TNNT3: variants seen among roughly 807,000 people sequenced by gnomAD.
The protein encoded by TNNT3 is troponin T3, fast skeletal type.
In TNNT3, 36 loss-of-function variants were observed where a neutral mutation model predicts 54.2. The observed-to-expected ratio is 0.66, with a 90% CI of 0.51 to 0.88. The LOEUF is 0.88. Ranked by LOEUF, TNNT3 falls within the 40% of genes least tolerant of loss-of-function variation. TNNT3 has a pLI of 0.00. For missense variants in TNNT3, 291 were observed against 331.6 expected, an observed-to-expected ratio of 0.88 and a Z score of 0.95; for synonymous variants, 120 against 109.7, an observed-to-expected ratio of 1.09 and a Z score of -0.59.
At chr11:1,936,220 A>T in intron 14 of TNNT3, 1 of 1,613,806 alleles carries the variant, frequency 6.2e-7, no homozygotes, top group Non-Finnish European at 8.5e-7. Context: ...CTAGATCATG[A>T]ATGTCCGGGC....
At chr11:1,938,250 C>T in intron 15 of TNNT3, 188 bp from the exon 16 acceptor site, 1 of 679,180 alleles carries the variant, frequency 1.5e-6, no homozygotes, top group Non-Finnish European at 2.7e-6. Context: ...CACTAACGAC[C>T]TAGGCCCGCC....
At chr11:1,925,163 T>G in intron 5 of TNNT3, 47 bp downstream of exon 5, 3 of 1,601,694 alleles carry the variant, frequency 1.9e-6, no homozygotes, top group Middle Eastern at 1.7e-4. Flanking sequence ...TCCCCAGCCT[T>G]CCCGCCCCAC....
intron 8 of TNNT3, 54 bp from the exon 9 acceptor site, chr11:1,932,415 C>A: frequency 6.3e-7 from 1 of 1,585,522 alleles, no homozygotes; most frequent in Non-Finnish European, 8.7e-7. Context: ...CAGGCTGACC[C>A]TCTGGGGTGG....
chr11:1,925,511 G>C, intron 5 of TNNT3: 1 of 614,226 alleles, frequency 1.6e-6, no homozygotes, highest in Admixed American at 2.7e-5. Context: ...AGTAGGGCCA[G>C]GGACTCCCCA....
intron 9 of TNNT3, 60 bp downstream of exon 9, chr11:1,932,574 C>G (rs1034607023): frequency 1.2e-5 from 18 of 1,562,314 alleles, no homozygotes; most frequent in Middle Eastern, 1.7e-4. Context: ...AGCTTTTGGG[C>G]TCTAGGCCTC....
intron 1 of TNNT3, 43 bp from the exon 2 acceptor site, chr11:1,922,814 T>G: frequency 6.3e-7 from 1 of 1,588,166 alleles, no homozygotes; most frequent in African/African-American, 1.4e-5. Flanking sequence ...GTAACTCTCT[T>G]TCCATCCTCT....
intron 7 of TNNT3, 46 bp downstream of exon 7, chr11:1,929,189 G>GCCGA (rs1589945028): frequency 1.2e-6 from 2 of 1,607,636 alleles, no homozygotes; most frequent in Non-Finnish European, 1.7e-6. Context: ...CCTGGCTCTA[G>GCCGA]CCGACGCGAG....
At position 1,922,902 on chromosome 11, in the gene TNNT3, A is replaced by G; in HGVS notation, c.17+11A>G. The G allele has an allele frequency of 6.2e-7, 1 of 1,613,616 alleles. No homozygotes were observed. Among genetic ancestry groups the G allele is most frequent in the Non-Finnish European group, 8.5e-7 (1 of 1,179,978 alleles). On this transcript the variant is annotated intron_variant, in intron 2 of 15. Transcript: ENST00000278317. ...GTCTGACGAGGAAGTGTGAGTACCC[A>G]GCTGGTGGCTGCCCCCTGCCTGGCT... is the stretch of plus-strand genomic sequence containing the variant.
At chr11:1,936,579 C>T (rs938698785) in intron 14 of TNNT3, among the ~76,000 whole-genome samples, 8 of 152,208 alleles carry the variant, frequency 5.3e-5, no homozygotes, top group Admixed American at 3.3e-4. Flanking sequence ...CTGAGCTCAG[C>T]GGCTGAAGGG....
intron 1 of TNNT3, among the ~76,000 whole-genome samples, chr11:1,922,073 A>G (rs1007452607): frequency 6.6e-6 from 1 of 152,216 alleles, no homozygotes; most frequent in Non-Finnish European, 1.5e-5. Flanking sequence ...GGGCTCCTGC[A>G]GTCCAAGTAT....
At chr11:1,935,786 G>T (rs1854839123) in intron 14 of TNNT3, among the ~76,000 whole-genome samples, 1 of 151,844 alleles carries the variant, frequency 6.6e-6, no homozygotes, top group South Asian at 2.1e-4. Flanking sequence ...CTACCCAGGT[G>T]CAGCAGGTGT....
intron 14 of TNNT3, 71 bp downstream of exon 14, chr11:1,934,990 C>T (rs901041236): frequency 2.1e-5 from 30 of 1,424,452 alleles, no homozygotes; most frequent in South Asian, 4.6e-5. Context: ...CATCTCCCTG[C>T]GTCCCTACCA....
At position 1,922,870 on chromosome 11, in the gene TNNT3, T is replaced by A. The variant is rs1206438054; in HGVS notation, c.-5T>A. The A allele has an allele frequency of 1.2e-6, 2 of 1,613,086 alleles. No homozygotes were observed. Among genetic ancestry groups the A allele is most frequent in the Non-Finnish European group, 1.7e-6 (2 of 1,179,924 alleles). On this transcript the variant is annotated 5_prime_UTR_variant, in exon 2 of 16. Transcript: ENST00000278317. Reference sequence around the variant, plus strand: ...CTCTCTCTGCAGAAACCACCCACCTTCACCATGTCTGACGAGGAAGTGTGA... The same window carrying A: ...CTCTCTCTGCAGAAACCACCCACCTACACCATGTCTGACGAGGAAGTGTGA...
chr11:1,921,988 G>A (rs1850213855), intron 1 of TNNT3, among the ~76,000 whole-genome samples: 1 of 152,194 alleles, frequency 6.6e-6, no homozygotes, highest in Non-Finnish European at 1.5e-5. Context: ...GCTTCCCCTA[G>A]ACAGGGACAG....
At chr11:1,932,618 G>C (rs1454706958) in intron 9 of TNNT3, 104 bp downstream of exon 9, 6 of 1,145,454 alleles carry the variant, frequency 5.2e-6, no homozygotes, top group Non-Finnish European at 7.9e-6. Context: ...GCCAGAGCCG[G>C]GGCCTCCTGG....
At chr11:1,933,141 C>T (rs930539348) in intron 9 of TNNT3, among the ~76,000 whole-genome samples, 1 of 139,624 alleles carries the variant, frequency 7.2e-6, no homozygotes, top group East Asian at 2.2e-4. Context: ...CCCATTCACC[C>T]ATTCATCCTC....
At chr11:1,928,870 T>G in intron 6 of TNNT3, 1 of 558,540 alleles carries the variant, frequency 1.8e-6, no homozygotes, top group Non-Finnish European at 3.3e-6. Context: ...GTGTCCCTCC[T>G]ATTCTCCACT....
Position 1,932,527 on chromosome 11 carries a change from G to A in TNNT3, c.171+13G>A, listed in dbSNP as rs1853690795. ...AGTGGACTTCGATGTAAGTTTACAG[G>A]ACTCTGGTTAACATGTCCACGGTTT... On this transcript the variant is annotated intron_variant, in intron 9 of 15. Transcript: ENST00000278317. 1.9e-6 allele frequency: 3 copies of A among 1,613,422 alleles called. No homozygotes were observed. Among genetic ancestry groups the A allele is most frequent in the African/African-American group, 1.3e-5 (1 of 74,902 alleles).
At chr11:1,925,652 C>G (rs958565351) in intron 5 of TNNT3, among the ~76,000 whole-genome samples, 1 of 152,112 alleles carries the variant, frequency 6.6e-6, no homozygotes, top group African/African-American at 2.4e-5. Flanking sequence ...GACCCCTGGG[C>G]CTGGCCAGGA....
Sources: gnomAD v4.1 joint callset for allele counts (sites outside exome capture counted in the v4.1 genomes callset) on GRCh38, gnomAD v4.1.1 for gene constraint, MANE v1.5 for transcripts, NCBI Gene and HGNC (gene_info 2026-07-23, HGNC 2026-07-21) for gene names.